Variants in SORCS3 observed in about 807,000 individuals in gnomAD.
SORCS3 encodes sortilin related VPS10 domain containing receptor 3, also known as VPS10 domain-containing receptor SorCS3.
SORCS3 carries 57 observed loss-of-function variants against 146.3 expected under a neutral mutation model. That is an observed-to-expected ratio of 0.39 (90% CI 0.31 to 0.49). The LOEUF (loss-of-function observed/expected upper bound fraction) is 0.49, where lower values mean the gene tolerates loss of function less well. SORCS3 is among the 20% of genes least tolerant of loss of function. SORCS3 has a pLI of 0.92. For missense variants in SORCS3, 1,341 were observed against 1,575.5 expected (o/e 0.85, Z 2.52); for synonymous variants, 653 against 618.5 (o/e 1.06, Z -0.83).
At chr10:104,820,776 A>G (rs565270568) in intron 1 of SORCS3, among the ~76,000 whole-genome samples, 1 of 152,366 alleles carries the variant, frequency 6.6e-6, no homozygotes, top group South Asian at 2.1e-4. Flanking sequence ...GTGAGAGAAG[A>G]TAAAATATTA....
chr10:104,729,583 A>C (rs2016683026), intron 1 of SORCS3, among the ~76,000 whole-genome samples: 1 of 152,246 alleles, frequency 6.6e-6, no homozygotes, highest in African/African-American at 2.4e-5. Flanking sequence ...AATGATGGTT[A>C]ATAGGGTCAT....
chr10:104,693,630 A>G (rs571177607), intron 1 of SORCS3, among the ~76,000 whole-genome samples: 3 of 152,094 alleles, frequency 2.0e-5, no homozygotes, highest in Admixed American at 2.0e-4. Flanking sequence ...TCCTTGTCTC[A>G]TCTAATCTTC....
At chr10:104,805,191 A>G (rs1589505707) in intron 1 of SORCS3, among the ~76,000 whole-genome samples, 1 of 152,280 alleles carries the variant, frequency 6.6e-6, no homozygotes, top group East Asian at 1.9e-4. Flanking sequence ...TAACTAATAC[A>G]ATGAGAATGT....
intron 14 of SORCS3, among the ~76,000 whole-genome samples, chr10:105,194,847 C>A (rs1254589703): frequency 6.6e-6 from 1 of 152,100 alleles, no homozygotes; most frequent in East Asian, 1.9e-4. Context: ...ATCAGCATCA[C>A]CTGGAACTTA....
intron 2 of SORCS3, among the ~76,000 whole-genome samples, chr10:104,871,807 G>A (rs2133568427): frequency 6.6e-6 from 1 of 152,276 alleles, no homozygotes; most frequent in South Asian, 2.1e-4. Flanking sequence ...CTGTCGAGGT[G>A]AGGGCAGGGA....
At chr10:104,937,786 A>C (rs1032205446) in intron 3 of SORCS3, among the ~76,000 whole-genome samples, 3 of 152,236 alleles carry the variant, frequency 2.0e-5, no homozygotes, top group Non-Finnish European at 4.4e-5. Context: ...AAGTGGTGGC[A>C]GAATGCCATT....
chr10:104,716,835 A>G (rs188641676), intron 1 of SORCS3, among the ~76,000 whole-genome samples: 8 of 152,264 alleles, frequency 5.3e-5, no homozygotes, highest in Admixed American at 2.0e-4. Flanking sequence ...GACCATTGTC[A>G]TCTCTATTTG....
At chr10:105,116,833 TTGAGTACATA>T (rs2055896764) in intron 7 of SORCS3, among the ~76,000 whole-genome samples, 1 of 152,046 alleles carries the variant, frequency 6.6e-6, no homozygotes, top group Non-Finnish European at 1.5e-5. Context: ...GAGTTAAACT[TTGAGTACATA>T]TGGACACAAA....
At chr10:105,220,625 G>C (rs1309645698) in intron 19 of SORCS3, among the ~76,000 whole-genome samples, 1 of 152,106 alleles carries the variant, frequency 6.6e-6, no homozygotes, top group Non-Finnish European at 1.5e-5. Context: ...TCCCCTAAAG[G>C]GGCCCCTTTT....
intron 1 of SORCS3, among the ~76,000 whole-genome samples, chr10:104,838,173 A>G (rs2018092115): frequency 6.6e-6 from 1 of 152,118 alleles, no homozygotes; most frequent in Non-Finnish European, 1.5e-5. Context: ...TTCTGGGGCC[A>G]TCAGCTGGAG....
rs75372159 is a variant in SORCS3 at position 104,823,945 on chromosome 10, G to T, written c.628-18847G>T. On this transcript the variant is annotated intron_variant, in intron 1 of 26. Transcript: ENST00000369701. ...CAGTTTTCAGAGTGATGCCATATGA[G>T]AAAGACCTGACCAGCCATTGTTGGC... is the stretch of plus-strand genomic sequence containing the variant. Among the ~76,000 whole-genome samples the T allele has an allele frequency of 9.0e-4, 137 of 152,316 alleles. 1 individual carries two copies. The East Asian group carries it at 0.024, about 27-fold the overall frequency.
chr10:104,874,028 G>A (rs1460007909), intron 2 of SORCS3, among the ~76,000 whole-genome samples: 1 of 152,146 alleles, frequency 6.6e-6, no homozygotes, highest in African/African-American at 2.4e-5. Context: ...TTGGACAGTT[G>A]ATTTCCATTA....
At chr10:104,731,011 G>T (rs193121642) in intron 1 of SORCS3, among the ~76,000 whole-genome samples, 16 of 152,344 alleles carry the variant, frequency 1.1e-4, no homozygotes, top group Admixed American at 7.8e-4. Flanking sequence ...GGGCCAGGGG[G>T]CCAAGGTTGA....
At chr10:105,092,080 T>C (rs2055714536) in intron 6 of SORCS3, among the ~76,000 whole-genome samples, 1 of 152,212 alleles carries the variant, frequency 6.6e-6, no homozygotes, top group Non-Finnish European at 1.5e-5. Flanking sequence ...TTTCTGATGC[T>C]GGACAGCTTC....
At chr10:105,174,405 C>T (rs184000200) in intron 13 of SORCS3, among the ~76,000 whole-genome samples, 4 of 152,020 alleles carry the variant, frequency 2.6e-5, no homozygotes, top group Admixed American at 2.6e-4. Context: ...CAATATATCA[C>T]CTCAGGATAT....
At chr10:104,818,116 G>C (rs2017825687) in intron 1 of SORCS3, among the ~76,000 whole-genome samples, 1 of 152,156 alleles carries the variant, frequency 6.6e-6, no homozygotes, top group Admixed American at 6.5e-5. Flanking sequence ...GGTTAGTCAG[G>C]ACACTGCTGT....
In SORCS3 at chr10:104,846,251, T is replaced by C. The variant is rs114649365; in HGVS notation, c.695+3392T>C. Among the ~76,000 whole-genome samples, 860 of 152,246 alleles carry C rather than the reference T, an allele frequency of 5.6e-3. 15 individuals are homozygous for C. Among genetic ancestry groups the C allele is most frequent in the African/African-American group, 0.019 (799 of 41,552 alleles). ...GGACCTCATCGGGAGTCTTCTAACT[T>C]TTTACTGTCTTTCTCACGTATCTTC... On this transcript the variant is annotated intron_variant, in intron 2 of 26. Coordinates refer to ENST00000369701, the MANE Select transcript of SORCS3 (RefSeq NM_014978.3).
intron 20 of SORCS3, among the ~76,000 whole-genome samples, chr10:105,242,529 T>TTTATATAC (rs2056835143): frequency 1.3e-4 from 13 of 103,486 alleles, no homozygotes; most frequent in African/African-American, 4.2e-4. Flanking sequence ...CATTTATATA[T>TTTATATAC]ATTTATATAT....
At chr10:104,985,364 A>T (rs1373992012) in intron 4 of SORCS3, among the ~76,000 whole-genome samples, 1 of 152,096 alleles carries the variant, frequency 6.6e-6, no homozygotes, top group East Asian at 1.9e-4. Flanking sequence ...CAATTTAGTC[A>T]CTTCTTCAGG....
Sources: allele counts gnomAD v4.1 joint callset (sites outside exome capture counted in the v4.1 genomes callset), GRCh38; gene constraint gnomAD v4.1.1; transcripts MANE v1.5; gene names NCBI Gene and HGNC (gene_info 2026-07-23, HGNC 2026-07-21).